The following SLC6A17 variants were observed in gnomAD, a reference collection of about 807,000 sequenced individuals.
SLC6A17 encodes the protein sodium-dependent neutral amino acid transporter SLC6A17.
Under a neutral mutation model 64.5 loss-of-function variants are expected in SLC6A17, and 21 were observed. The observed-to-expected ratio is 0.33, with a 90% CI of 0.23 to 0.47. The LOEUF (loss-of-function observed/expected upper bound fraction) is 0.47, where lower values mean the gene tolerates loss of function less well. SLC6A17 is among the 20% of genes least tolerant of loss of function. SLC6A17 has a pLI of 1.00. For synonymous variants in SLC6A17, 372 were observed against 399.5 expected, an observed-to-expected ratio of 0.93 and a Z score of 0.82; for missense variants, 682 against 963.2, an observed-to-expected ratio of 0.71 and a Z score of 3.86.
Position 110,195,651 on chromosome 1 carries a change from G to T in SLC6A17, c.1558G>T (p.Val520Phe). The T allele has an allele frequency of 6.2e-7, 1 of 1,614,230 alleles. No individual in the cohort carries two copies. The highest frequency in any genetic ancestry group is 8.5e-7 in the Non-Finnish European group (1 of 1,180,046). Reference protein sequence around the residue: ...LFVQRSGNYFVTMFDDYSATL... With the variant: ...LFVQRSGNYFFTMFDDYSATL... ...CGTCCAGCGCTCCGGAAACTACTTT[G>T]TCACCATGTTCGATGACTACTCGGC... The change falls in exon 10 of 12, where the codon GTC becomes TTC. Residue 520 changes from valine to phenylalanine, a missense_variant. Around this residue, in one of 3 missense-constraint regions of SLC6A17, gnomAD observed 264 missense variants for 339.5 expected, o/e 0.78. Coordinates refer to ENST00000331565, the MANE Select transcript of SLC6A17 (RefSeq NM_001010898.4).
At chr1:110,167,644 G>A (rs1217106689) in intron 2 of SLC6A17, among the ~76,000 whole-genome samples, 1 of 152,202 alleles carries the variant, frequency 6.6e-6, no homozygotes, top group Non-Finnish European at 1.5e-5. Flanking sequence ...ATGCTTATGA[G>A]GTACTAGGCA....
rs780300147 is a variant in SLC6A17, at chr1:110,176,585, C to T, written c.754-44C>T. 8.9e-6 allele frequency: 14 copies of T among 1,578,402 alleles called. No homozygotes were observed. The Admixed American group carries it at 1.3e-4, about 15-fold the overall frequency. On this transcript the variant is annotated intron_variant, in intron 5 of 11. Transcript: ENST00000331565. ...GAGCAGGGATGGGGGGTGCCAGCTG[C>T]AGGAAGGGCTCTGCCTGATGGGGGT...
intron 3 of SLC6A17, 81 bp from the exon 4 acceptor site, chr1:110,173,892 C>A (rs1359742819): frequency 1.4e-5 from 22 of 1,552,056 alleles, no homozygotes; most frequent in Admixed American, 7.7e-5. Context: ...GCGCTGCCGA[C>A]GTGCTGGGCC....
chr1:110,153,519 A>ATGTGTGTGTGTGTGTGTGTGTG (rs3222731), intron 1 of SLC6A17, among the ~76,000 whole-genome samples: 3,722 of 137,218 alleles, frequency 0.027, 136 homozygotes, highest in Non-Finnish European at 0.034. Flanking sequence ...GCTACTGGAA[A>ATGTGTGTGTGTGTGTGTGTGTG]TGTGTGTGTG....
chr1:110,158,304 G>T (rs891676058), intron 1 of SLC6A17, among the ~76,000 whole-genome samples: 1 of 152,288 alleles, frequency 6.6e-6, no homozygotes, highest in East Asian at 1.9e-4. Context: ...CATAGAAGTC[G>T]CTGGGCTCTA....
At chr1:110,188,311 A>G (rs1656738622) in intron 6 of SLC6A17, among the ~76,000 whole-genome samples, 1 of 152,248 alleles carries the variant, frequency 6.6e-6, no homozygotes, top group African/African-American at 2.4e-5. Context: ...ATCTTACTTT[A>G]AAAACCAGAC....
intron 6 of SLC6A17, among the ~76,000 whole-genome samples, chr1:110,178,266 C>T (rs1656423061): frequency 6.6e-6 from 1 of 152,100 alleles, no homozygotes; most frequent in Non-Finnish European, 1.5e-5. Flanking sequence ...TTACAGAGGT[C>T]TCCAGATGGG....
rs1486059597 is a variant in SLC6A17, at chr1:110,198,065, C to G, written c.1816-11C>G. On this transcript the variant is annotated splice_polypyrimidine_tract_variant and intron_variant, in intron 11 of 11. Transcript: ENST00000331565. Reference sequence around the variant, plus strand: ...GTGCCGGCAGCAGCCCTTAAGGCAGCCCACCCGCAGGCTGCCGAGCGCTAC... The same window carrying G: ...GTGCCGGCAGCAGCCCTTAAGGCAGGCCACCCGCAGGCTGCCGAGCGCTAC... 1.2e-6 allele frequency: 2 copies of G among 1,602,242 alleles called. No individual in the cohort carries two copies. Among genetic ancestry groups the G allele is most frequent in the Non-Finnish European group, 1.7e-6 (2 of 1,174,738 alleles).
At chr1:110,161,522 C>T (rs185378592) in intron 1 of SLC6A17, among the ~76,000 whole-genome samples, 181 of 151,990 alleles carry the variant, frequency 1.2e-3, no homozygotes, top group African/African-American at 4.2e-3. Flanking sequence ...ATCAGGAGCA[C>T]GGGGAGGGGC....
chr1:110,171,842 G>A (rs1020962768), intron 2 of SLC6A17, among the ~76,000 whole-genome samples: 4 of 152,196 alleles, frequency 2.6e-5, no homozygotes, highest in East Asian at 3.9e-4. Context: ...TTAGTGTTTC[G>A]GGTCAGGGGA....
chr1:110,153,669 G>A (rs1655673053), intron 1 of SLC6A17, among the ~76,000 whole-genome samples: 1 of 152,186 alleles, frequency 6.6e-6, no homozygotes, highest in South Asian at 2.1e-4. Flanking sequence ...CCTTCTGCCT[G>A]TGTACCCTCC....
chr1:110,177,033 A>ATT (rs1656395245), intron 6 of SLC6A17, among the ~76,000 whole-genome samples: 1 of 152,212 alleles, frequency 6.6e-6, no homozygotes, highest in Non-Finnish European at 1.5e-5. Flanking sequence ...ATAGGACATT[A>ATT]TAATCAAAGG....
intron 2 of SLC6A17, among the ~76,000 whole-genome samples, chr1:110,168,891 C>T (rs1656143984): frequency 6.6e-6 from 1 of 152,180 alleles, no homozygotes; most frequent in African/African-American, 2.4e-5. Context: ...TAAAGAACTA[C>T]CCTAGAGGAA....
At position 110,172,208 on chromosome 1, in the gene SLC6A17, C is replaced by T; in HGVS notation, c.435C>T (p.Ser145=). 1 of 1,588,456 alleles carries T rather than the reference C, an allele frequency of 6.3e-7. No individual in the cohort carries two copies. The change falls in exon 3 of 12, where the codon TCC becomes TCT. Residue 145 remains serine, a synonymous_variant. Transcript: ENST00000331565. ...CCCGCCTGGGGGGCATCGGCTTCTC[C>T]AGCTGCATAGTGAGTCAAGGGCTGG... ...ICPRLGGIGF[S]SCIVCLFVGL...
In SLC6A17 at chr1:110,150,807, T is replaced by C. The variant is rs1655577480; in HGVS notation, c.-164T>C. On this transcript the variant is annotated 5_prime_UTR_variant, in exon 1 of 12. Transcript: ENST00000331565. The stretch of plus-strand genomic sequence containing the variant: ...TGTGGCCCGGGGGAGGAGCTGTGCG[T>C]CCGCGACCCGTCGGGGATCGCAGCT... 1 of 151,724 alleles carries C rather than the reference T, an allele frequency of 6.6e-6. No homozygotes were observed. Among genetic ancestry groups the C allele is most frequent in the Admixed American group, 6.6e-5 (1 of 15,256 alleles). The allele number at this position is 151,724 out of a possible 1,614,324, so 9.4% of individuals were successfully genotyped here. A position where few individuals can be genotyped will look rare whatever the true frequency, so the allele number is the denominator to read the frequency against.
intron 3 of SLC6A17, chr1:110,172,536 C>T (rs1240841460): frequency 7.7e-6 from 2 of 260,866 alleles, no homozygotes; most frequent in Non-Finnish European, 1.5e-5. Context: ...TGGACTAGCC[C>T]AGATGCCCTT....
Position 110,157,481 on chromosome 1 carries a change from G to A in SLC6A17, c.-88+6598G>A, listed in dbSNP as rs922760354. 8.5e-5 allele frequency among the ~76,000 whole-genome samples: 13 copies of A among 152,152 alleles called. No homozygotes were observed. In the South Asian group the frequency reaches 1.2e-3, roughly 15 times the overall value. On this transcript the variant is annotated intron_variant, in intron 1 of 11. Transcript: ENST00000331565. The stretch of plus-strand genomic sequence containing the variant: ...CCAGCTACTCAGGAGGCTGAGGCAG[G>A]AGAATCTCTTGAACCCGGGAGGTGG...
At chr1:110,186,804 T>C (rs919405149) in intron 6 of SLC6A17, among the ~76,000 whole-genome samples, 2 of 152,162 alleles carry the variant, frequency 1.3e-5, no homozygotes, top group African/African-American at 4.8e-5. Flanking sequence ...ACCTGTGACG[T>C]GGGTATTGAC....
chr1:110,197,402 A>T, intron 10 of SLC6A17, 35 bp from the exon 11 acceptor site: 1 of 1,578,246 alleles, frequency 6.3e-7, no homozygotes, highest in East Asian at 2.2e-5. Context: ...TGACTGAGGG[A>T]TGCCAACTGC....
Sources: gnomAD v4.1 joint callset for allele counts (sites outside exome capture counted in the v4.1 genomes callset) on GRCh38, gnomAD v4.1.1 for gene constraint, gnomAD v4.1.1 regional missense constraint, MANE v1.5 for transcripts, NCBI Gene and HGNC (gene_info 2026-07-23, HGNC 2026-07-21) for gene names.